Variants in ING4 observed in about 807,000 individuals in gnomAD.
The protein encoded by ING4 is inhibitor of growth protein 4.
In ING4, 28 loss-of-function variants were observed where a neutral mutation model predicts 33.1. That is an observed-to-expected ratio of 0.85 (90% CI 0.63 to 1.16). The LOEUF is 1.16. ING4 is among the 50% of genes most tolerant of loss of function. The pLI is 0.00. For missense variants in ING4, 247 were observed against 314.7 expected (o/e 0.78, Z 1.63); for synonymous variants, 87 against 104.4 (o/e 0.83, Z 1.02).
At chr12:6,660,819 C>G (rs1278428770) in intron 1 of ING4, among the ~76,000 whole-genome samples, 2 of 138,060 alleles carry the variant, frequency 1.4e-5, no homozygotes, top group Non-Finnish European at 3.2e-5. Context: ...GAGTAACTTT[C>G]TTTTCTTTTC....
intron 1 of ING4, among the ~76,000 whole-genome samples, chr12:6,658,134 A>G (rs1364493528): frequency 1.3e-5 from 2 of 151,072 alleles, no homozygotes; most frequent in African/African-American, 4.9e-5. Context: ...TAATTTTTGT[A>G]TTTTTAGTAG....
chr12:6,653,172 G>A (rs1592318268), intron 3 of ING4, 58 bp downstream of exon 3: 2 of 1,605,484 alleles, frequency 1.2e-6, no homozygotes, highest in South Asian at 2.2e-5. Context: ...TGAAGGAGGG[G>A]TCTAAGACCC....
At chr12:6,662,505 C>T (rs1565408222) in intron 1 of ING4, among the ~76,000 whole-genome samples, 1 of 152,128 alleles carries the variant, frequency 6.6e-6, no homozygotes, top group Admixed American at 6.5e-5. Context: ...CAAATGTAAG[C>T]GCACAGAGCA....
At chr12:6,657,332 C>T (rs536153276) in intron 1 of ING4, among the ~76,000 whole-genome samples, 1 of 152,122 alleles carries the variant, frequency 6.6e-6, no homozygotes, top group South Asian at 2.1e-4. Context: ...GCCTGTACTC[C>T]CAGCTACTCA....
intron 1 of ING4, among the ~76,000 whole-genome samples, chr12:6,657,357 G>C (rs1220639910): frequency 6.6e-6 from 1 of 152,092 alleles, no homozygotes; most frequent in Non-Finnish European, 1.5e-5. Context: ...GCTGAGGCAG[G>C]AGAATGGCAT....
At chr12:6,653,162 TG>T (rs760247479) in intron 3 of ING4, 67 bp downstream of exon 3, 1 of 1,601,388 alleles carries the variant, frequency 6.2e-7, no homozygotes, top group Non-Finnish European at 8.5e-7. Flanking sequence ...CCAACACAGT[TG>T]AAGGAGGGGT....
chr12:6,662,959 A>C, intron 1 of ING4, 106 bp downstream of exon 1: 1 of 1,260,048 alleles, frequency 7.9e-7, no homozygotes, highest in East Asian at 2.4e-5. Flanking sequence ...GAACCGCTTC[A>C]TAATTGTGAC....
intron 1 of ING4, among the ~76,000 whole-genome samples, chr12:6,659,014 G>A (rs960736074): frequency 9.9e-5 from 15 of 152,162 alleles, no homozygotes; most frequent in African/African-American, 1.7e-4. Context: ...ATTCCTGTTC[G>A]TTCTTCCAAA....
At chr12:6,655,665 G>A (rs4764616) in intron 2 of ING4, 1,042,978 of 1,092,874 alleles carry the variant, frequency 0.95, 499,457 homozygotes, top group Non-Finnish European at 0.98. Context: ...TCAGGGAACT[G>A]TGTCCAGGGT....
At chr12:6,652,578 G>A in intron 5 of ING4, 84 bp downstream of exon 5, 1 of 1,394,682 alleles carries the variant, frequency 7.2e-7, no homozygotes, top group Non-Finnish European at 1.0e-6. Flanking sequence ...CATATAGAAA[G>A]CGGCAGGGGG....
At chr12:6,654,816 G>C (rs4764619) in intron 2 of ING4, among the ~76,000 whole-genome samples, 141,705 of 152,124 alleles carry the variant, frequency 0.93, 66,292 homozygotes, top group Non-Finnish European at 0.97. Context: ...CCTCTGCCTC[G>C]TGGGTTCAAG....
intron 1 of ING4, among the ~76,000 whole-genome samples, chr12:6,657,572 T>C (rs1364700782): frequency 6.6e-6 from 1 of 152,190 alleles, no homozygotes; most frequent in Non-Finnish European, 1.5e-5. Context: ...ACTCTTTCTC[T>C]ACAAAACCTT....
At chr12:6,660,478 G>A (rs117458578) in intron 1 of ING4, among the ~76,000 whole-genome samples, 1,700 of 151,872 alleles carry the variant, frequency 0.011, 11 homozygotes, top group Non-Finnish European at 0.019. Context: ...GTATGGTGGC[G>A]GGCACTGTAA....
chr12:6,652,614 G>C (rs762763512), intron 5 of ING4, 48 bp downstream of exon 5: 2 of 1,542,204 alleles, frequency 1.3e-6, no homozygotes, highest in Non-Finnish European at 1.8e-6. Flanking sequence ...GTGGGGCACC[G>C]GGAGAGAAGA....
rs998686595 is a variant in ING4 at position 6,650,994 on chromosome 12, C to T, written c.*201G>A. The T allele has an allele frequency of 4.7e-6, 3 of 633,876 alleles. No individual in the cohort carries two copies. Among genetic ancestry groups the T allele is most frequent in the African/African-American group, 3.7e-5 (2 of 54,552 alleles). 39.3% of individuals were successfully genotyped at this position (633,876 alleles called of 1,614,324 possible). A position where few individuals can be genotyped will look rare whatever the true frequency, so the allele number is the denominator to read the frequency against. ...GGAGAGGGCTGAAGGAGAGCACATA[C>T]CGTTAGTGGCTGCGGCACCCCTCCC... is the stretch of plus-strand genomic sequence containing the variant. On this transcript the variant is annotated 3_prime_UTR_variant, in exon 8 of 8. Transcript: ENST00000341550.
In ING4 at chr12:6,652,395, G is replaced by A; in HGVS notation, c.521C>T (p.Ser174Leu). 1 of 1,614,134 alleles carries A rather than the reference G, an allele frequency of 6.2e-7. No individual in the cohort carries two copies. Among genetic ancestry groups the A allele is most frequent in the Non-Finnish European group, 8.5e-7 (1 of 1,180,026 alleles). Residue 174 changes from serine (S) to leucine (L), a missense_variant, in exon 6 of 8, where the codon TCA (serine) becomes TTA (leucine). By Grantham distance (145) the Ser-to-Leu change is moderately radical. Transcript: ENST00000341550. ...VRTSPEYGMP[S>L]VTFGSVHPSD... is the part of the protein sequence containing the mutation. ...GGGGTGGACACTGCCAAAGGTCACT[G>A]AGGGCATCCCATACTCAGGACTTCT...
At chr12:6,655,723 A>T in intron 2 of ING4, 1 of 534,778 alleles carries the variant, frequency 1.9e-6, no homozygotes, top group Non-Finnish European at 3.0e-6. Flanking sequence ...GTAACTTAAG[A>T]CACAGCTTCA....
Position 6,653,009 on chromosome 12 carries a change from A to C in ING4, c.318T>G (p.Arg106=), listed in dbSNP as rs1363254404. ...GTTTCTCCTTGAGATCAGCCTCAAA[A>C]CGGGCCAGGTCTGTGTCCAGCCGCC... ...HIRRLDTDLA[R]FEADLKEKQI... is the part of the protein sequence containing the mutation. The change falls in exon 4 of 8, where the codon CGT becomes CGG. Residue 106 remains arginine, a synonymous_variant. Coordinates refer to ENST00000341550, the MANE Select transcript of ING4 (RefSeq NM_016162.4). 8.1e-6 allele frequency: 13 copies of C among 1,613,910 alleles called. No homozygotes were observed. The highest frequency in any genetic ancestry group is 8.5e-6 in the Non-Finnish European group (10 of 1,179,990).
rs1949162672 is a variant in ING4, at chr12:6,651,036, A to G, written c.*159T>C. 2.5e-6 allele frequency: 2 copies of G among 784,714 alleles called. No homozygotes were observed. The highest frequency in any genetic ancestry group is 4.2e-6 in the Non-Finnish European group (2 of 471,954). The allele number at this position is 784,714 out of a possible 1,614,324, so 48.6% of individuals were successfully genotyped here. A position where few individuals can be genotyped will look rare whatever the true frequency, so the allele number is the denominator to read the frequency against. ...ACCCCTCCCTACCAGGGTCTGATGC[A>G]GCCTCAGCACCGGGAGTGGGGAGAG... On this transcript the variant is annotated 3_prime_UTR_variant, in exon 8 of 8. Transcript: ENST00000341550.
Sources: gnomAD v4.1 joint callset for allele counts (sites outside exome capture counted in the v4.1 genomes callset) on GRCh38, gnomAD v4.1.1 for gene constraint, MANE v1.5 for transcripts, NCBI Gene and HGNC (gene_info 2026-07-23, HGNC 2026-07-21) for gene names.